Variants in ATF1 observed in about 807,000 individuals in gnomAD.
ATF1 encodes activating transcription factor 1.
In ATF1, 16 loss-of-function variants were observed where a neutral mutation model predicts 34.7. That is an observed-to-expected ratio of 0.46 (90% CI 0.31 to 0.70). The LOEUF is 0.70. ATF1 is among the 30% of genes least tolerant of loss of function. The probability of loss-of-function intolerance (pLI) is 0.05; values close to 1 mark genes in which losing one functional copy is unlikely to be tolerated. For synonymous variants in ATF1, 105 were observed against 113.1 expected, an observed-to-expected ratio of 0.93 and a Z score of 0.46; for missense variants, 255 against 321.6, an observed-to-expected ratio of 0.79 and a Z score of 1.58.
intron 6 of ATF1, among the ~76,000 whole-genome samples, chr12:50,816,285 C>G (rs1185097803): frequency 1.3e-5 from 2 of 151,884 alleles, no homozygotes; most frequent in Non-Finnish European, 2.9e-5. Flanking sequence ...CACCACTGCA[C>G]TTCAGCCTGG....
rs138481913 is a variant in ATF1, at chr12:50,794,877, C to T, written c.94-1032C>T. ...GACGCTACAGTGAGCTGTCATTGCA[C>T]CACTGCACTTCAGCCTGGGTGACAG... On this transcript the variant is annotated intron_variant, in intron 2 of 6. Transcript: ENST00000262053. Among the ~76,000 whole-genome samples the T allele has an allele frequency of 7.9e-3, 1,200 of 152,112 alleles. 19 individuals carry two copies. The highest frequency in any genetic ancestry group is 0.027 in the African/African-American group (1,136 of 41,468).
At chr12:50,771,739 A>G (rs1474142497) in intron 1 of ATF1, among the ~76,000 whole-genome samples, 1 of 152,200 alleles carries the variant, frequency 6.6e-6, no homozygotes, top group African/African-American at 2.4e-5. Flanking sequence ...TCAGCACAAA[A>G]TACAGGTCAT....
In ATF1 at chr12:50,819,720, A is replaced by G; in HGVS notation, c.757A>G (p.Lys253Glu). 1 of 1,606,260 alleles carries G rather than the reference A, an allele frequency of 6.2e-7. No individual in the cohort carries two copies. The highest frequency in any genetic ancestry group is 8.5e-7 in the Non-Finnish European group (1 of 1,174,232). ...NRVAVLENQN[K>E]TLIEELKTLK... Reference sequence around the variant, plus strand: ...AGTTGCAGTCCTGGAAAATCAAAATAAAACTCTAATAGAAGAGTTAAAAAC... The same window carrying G: ...AGTTGCAGTCCTGGAAAATCAAAATGAAACTCTAATAGAAGAGTTAAAAAC... The change falls in exon 7 of 7, where the codon AAA (lysine) becomes GAA (glutamate). Residue 253 changes from lysine to glutamate, a missense_variant. Physicochemically the swap from Lys to Glu is moderately conservative, Grantham distance 56 (BLOSUM62 1). Around this residue, in one of 2 missense-constraint regions of ATF1, gnomAD observed 34 missense variants for 70.8 expected, o/e 0.48. Transcript: ENST00000262053.
intron 3 of ATF1, among the ~76,000 whole-genome samples, chr12:50,800,541 G>A (rs1228731905): frequency 6.6e-6 from 1 of 152,194 alleles, no homozygotes; most frequent in Non-Finnish European, 1.5e-5. Flanking sequence ...CACAGCAGGA[G>A]GTGAGCAGCG....
intron 2 of ATF1, among the ~76,000 whole-genome samples, chr12:50,782,554 C>A (rs897545112): frequency 8.0e-6 from 1 of 124,932 alleles, no homozygotes; most frequent in African/African-American, 3.0e-5. Flanking sequence ...CACACCCGGC[C>A]TTTTTTTTTT....
In ATF1 at chr12:50,817,917, A is replaced by G. The variant is rs141656301; in HGVS notation, c.672-1718A>G. Among the ~76,000 whole-genome samples, 14 of 152,326 alleles carry G rather than the reference A, an allele frequency of 9.2e-5. No individual in the cohort carries two copies. In the East Asian group the frequency reaches 2.7e-3, roughly 29 times the overall value. ...CCGCTAGACTGACAACCATTTTAAA[A>G]TGTTCATAACAGGCACTCTCATGTA... On this transcript the variant is annotated intron_variant, in intron 6 of 6. Coordinates refer to ENST00000262053, the MANE Select transcript of ATF1 (RefSeq NM_005171.5).
chr12:50,765,702 T>G (rs1940616381), intron 1 of ATF1, among the ~76,000 whole-genome samples: 1 of 152,154 alleles, frequency 6.6e-6, no homozygotes, highest in Non-Finnish European at 1.5e-5. Flanking sequence ...ATGAAGACCT[T>G]GCTGATAAAA....
intron 1 of ATF1, among the ~76,000 whole-genome samples, chr12:50,769,060 G>A (rs1391900405): frequency 6.6e-6 from 1 of 152,144 alleles, no homozygotes; most frequent in African/African-American, 2.4e-5. Flanking sequence ...AGTAAAAGTC[G>A]CTAAAAGTTA....
intron 3 of ATF1, among the ~76,000 whole-genome samples, chr12:50,803,203 G>C (rs1337796436): frequency 6.6e-6 from 1 of 151,866 alleles, no homozygotes; most frequent in Non-Finnish European, 1.5e-5. Flanking sequence ...GGGAGGCAGA[G>C]GTTGTAGTGA....
upstream of ATF1, chr12:50,764,036 A>T (rs1036593150): frequency 2.0e-5 from 3 of 151,818 alleles, no homozygotes; most frequent in Non-Finnish European, 2.9e-5. Flanking sequence ...ACTAGTGCTC[A>T]GTTTTGCCCC....
At chr12:50,818,153 C>T (rs983301231) in intron 6 of ATF1, among the ~76,000 whole-genome samples, 5 of 152,068 alleles carry the variant, frequency 3.3e-5, no homozygotes, top group Non-Finnish European at 4.4e-5. Flanking sequence ...TAGAAATACA[C>T]GTAAAGAATG....
chr12:50,788,837 T>C (rs906303650), intron 2 of ATF1, among the ~76,000 whole-genome samples: 1 of 152,166 alleles, frequency 6.6e-6, no homozygotes, highest in Non-Finnish European at 1.5e-5. Flanking sequence ...ATTGGCCTCT[T>C]TGCGGTCTAG....
intron 1 of ATF1, among the ~76,000 whole-genome samples, chr12:50,779,120 C>A (rs546894999): frequency 5.2e-4 from 79 of 152,300 alleles, no homozygotes; most frequent in Admixed American, 1.4e-3. Flanking sequence ...GAACAATATT[C>A]CATTGTATGT....
intron 4 of ATF1, among the ~76,000 whole-genome samples, chr12:50,811,134 T>C (rs1941728003): frequency 6.6e-6 from 1 of 152,168 alleles, no homozygotes; most frequent in South Asian, 2.1e-4. Flanking sequence ...ATGCCTGGCA[T>C]GTTCTTCCCC....
chr12:50,786,942 A>G (rs1317023002), intron 2 of ATF1, among the ~76,000 whole-genome samples: 1 of 152,230 alleles, frequency 6.6e-6, no homozygotes, highest in African/African-American at 2.4e-5. Flanking sequence ...GGCAAGAACA[A>G]TGAGAAAAAC....
chr12:50,793,019 T>C (rs1247133959), intron 2 of ATF1, among the ~76,000 whole-genome samples: 2 of 152,174 alleles, frequency 1.3e-5, no homozygotes, highest in Admixed American at 6.5e-5. Flanking sequence ...TTTGGTCATC[T>C]CTCGTTTTTA....
chr12:50,809,502 G>T lies in ATF1; in HGVS notation c.241G>T (p.Gly81Ter). The T allele has an allele frequency of 6.2e-7, 1 of 1,613,584 alleles. No individual in the cohort carries two copies. The change falls in exon 4 of 7, where the codon GGA becomes TGA. Residue 81 changes from glycine (G) to a stop codon, truncating the protein, a stop_gained. Coordinates refer to ENST00000262053, the MANE Select transcript of ATF1 (RefSeq NM_005171.5). LOFTEE classifies it high-confidence loss of function. ...TTCTGAAGATACACGGGGCAGAAAAGGAGACGGAGAAAATTCTGGAGTTTC... is the reference window on the plus strand; with the variant it reads ...TTCTGAAGATACACGGGGCAGAAAATGAGACGGAGAAAATTCTGGAGTTTC... ...LSSEDTRGRK[G>*]DGENSGVSAA...
intron 2 of ATF1, among the ~76,000 whole-genome samples, chr12:50,785,284 T>TACACACAC (rs56040362): frequency 6.2e-5 from 8 of 128,434 alleles, no homozygotes; most frequent in Admixed American, 2.5e-4. Context: ...TATATATACA[T>TACACACAC]ACACACACAC....
chr12:50,788,440 C>G, intron 2 of ATF1: 1 of 302,394 alleles, frequency 3.3e-6, no homozygotes. Flanking sequence ...CCCACCTCAG[C>G]CTCCCAAAGT....
Sources: allele counts gnomAD v4.1 joint callset (sites outside exome capture counted in the v4.1 genomes callset), GRCh38; gene constraint gnomAD v4.1.1; regional missense constraint gnomAD v4.1.1; transcripts MANE v1.5; gene names NCBI Gene and HGNC (gene_info 2026-07-23, HGNC 2026-07-21).